AKAP19: variants seen among roughly 807,000 people sequenced by gnomAD.
AKAP19 encodes small A-kinase anchoring protein.
the AKAP19 span, among the ~76,000 whole-genome samples, chr2:190,080,282 CA>C: frequency 1.5e-4 from 23 of 152,068 alleles, no homozygotes; most frequent in Non-Finnish European, 2.8e-4. Context: ...ACCATTCACA[CA>C]AAAAAATTAA....
chr2:189,945,473 A>G, the AKAP19 span, among the ~76,000 whole-genome samples: 2 of 152,212 alleles, frequency 1.3e-5, no homozygotes, highest in Admixed American at 6.5e-5. Flanking sequence ...TTCATAAGAA[A>G]CTTGAAGCCA....
chr2:189,912,960 G>C, the AKAP19 span, among the ~76,000 whole-genome samples: 2 of 152,066 alleles, frequency 1.3e-5, no homozygotes, highest in African/African-American at 4.8e-5. Flanking sequence ...CAAAGCTGTA[G>C]AGTATTTTAT....
chr2:189,934,279 C>A, the AKAP19 span, among the ~76,000 whole-genome samples: 2 of 152,030 alleles, frequency 1.3e-5, no homozygotes, highest in East Asian at 1.9e-4. Flanking sequence ...CATTGTTTAG[C>A]CATTTCTGAA....
chr2:190,090,207 G>A, the AKAP19 span, among the ~76,000 whole-genome samples: 1 of 152,172 alleles, frequency 6.6e-6, no homozygotes, highest in Non-Finnish European at 1.5e-5. Flanking sequence ...CATCTAGGCA[G>A]GTAGTTGGGT....
At chr2:190,114,444 TTTTGTTTGTTTG>T in the AKAP19 span, among the ~76,000 whole-genome samples, 1 of 151,790 alleles carries the variant, frequency 6.6e-6, no homozygotes, top group African/African-American at 2.4e-5. Context: ...AAAGAAAGTG[TTTTGTTTGTTTG>T]TTTGTTTGTT....
chr2:190,098,996 C>T, the AKAP19 span, among the ~76,000 whole-genome samples: 1 of 152,214 alleles, frequency 6.6e-6, no homozygotes, highest in Non-Finnish European at 1.5e-5. Context: ...GTGTTTTGCT[C>T]TTGATTAGGC....
chr2:190,094,903 G>C, the AKAP19 span, among the ~76,000 whole-genome samples: 55 of 152,322 alleles, frequency 3.6e-4, no homozygotes, highest in Non-Finnish European at 5.4e-4. Context: ...AAGAAAAATA[G>C]TATTCAAAGA....
At chr2:189,984,074 A>C in the AKAP19 span, among the ~76,000 whole-genome samples, 1 of 152,200 alleles carries the variant, frequency 6.6e-6, no homozygotes, top group African/African-American at 2.4e-5. Flanking sequence ...ACAGGACCAC[A>C]GGACGGAGGC....
At chr2:190,000,722 T>C in the AKAP19 span, among the ~76,000 whole-genome samples, 1,737 of 152,322 alleles carry the variant, frequency 0.011, 32 homozygotes, top group African/African-American at 0.04. Context: ...TGAACCTCCA[T>C]TGTTTCTGAT....
the AKAP19 span, among the ~76,000 whole-genome samples, chr2:189,919,800 A>G: frequency 6.6e-6 from 1 of 152,148 alleles, no homozygotes; most frequent in Non-Finnish European, 1.5e-5. Flanking sequence ...CTGTAGAGTC[A>G]TCTCTAGCCT....
the AKAP19 span, among the ~76,000 whole-genome samples, chr2:190,085,148 C>T: frequency 1.3e-4 from 20 of 152,158 alleles, no homozygotes; most frequent in East Asian, 3.9e-3. Flanking sequence ...GGAATATGTG[C>T]TTGAGGGGAG....
the AKAP19 span, among the ~76,000 whole-genome samples, chr2:189,898,299 T>C: frequency 1.3e-5 from 2 of 152,206 alleles, no homozygotes; most frequent in African/African-American, 4.8e-5. Context: ...TACTATTTAC[T>C]AGACACCGTT....
At chr2:190,034,534 CAAAAAA>C in the AKAP19 span, among the ~76,000 whole-genome samples, 20 of 68,254 alleles carry the variant, frequency 2.9e-4, no homozygotes, top group South Asian at 7.3e-3. Context: ...GGCTACAGTG[CAAAAAA>C]AAAAAAAAAA....
At chr2:190,146,020 A>G in the AKAP19 span, among the ~76,000 whole-genome samples, 1 of 146,932 alleles carries the variant, frequency 6.8e-6, no homozygotes, top group Admixed American at 6.8e-5. Flanking sequence ...TTATTTTTCC[A>G]TAAGTTATTG....
chr2:189,976,058 G>C, the AKAP19 span, among the ~76,000 whole-genome samples: 7 of 152,186 alleles, frequency 4.6e-5, no homozygotes, highest in African/African-American at 4.8e-5. Context: ...GAGGTGCTCT[G>C]ATTTTTAGAA....
chr2:189,919,569 G>A, the AKAP19 span, among the ~76,000 whole-genome samples: 7 of 152,210 alleles, frequency 4.6e-5, no homozygotes, highest in East Asian at 1.2e-3. Flanking sequence ...AGACCGTGGT[G>A]TGTGATGTTC....
chr2:190,172,125 C>T, the AKAP19 span, among the ~76,000 whole-genome samples: 3 of 152,184 alleles, frequency 2.0e-5, no homozygotes, highest in African/African-American at 7.2e-5. Flanking sequence ...CTGCTCCATG[C>T]TCATTGCCAC....
chr2:190,112,150 T>C, the AKAP19 span, among the ~76,000 whole-genome samples: 2 of 152,210 alleles, frequency 1.3e-5, no homozygotes, highest in African/African-American at 4.8e-5. Context: ...ATTGCTAGAT[T>C]TATAAAAAAC....
chr2:189,949,336 G>A, the AKAP19 span, among the ~76,000 whole-genome samples: 1 of 151,932 alleles, frequency 6.6e-6, no homozygotes, highest in Non-Finnish European at 1.5e-5. Flanking sequence ...AGTGGATCAC[G>A]AGGTCAGGAG....
Sources: allele counts gnomAD v4.1 joint callset (sites outside exome capture counted in the v4.1 genomes callset), GRCh38; gene constraint gnomAD v4.1.1; transcripts MANE v1.5; gene names NCBI Gene and HGNC (gene_info 2026-07-23, HGNC 2026-07-21).